NRSN2: variants seen among roughly 807,000 people sequenced by gnomAD.
NRSN2 encodes the protein neurensin 2, also known as neurensin-2.
In NRSN2, 10 loss-of-function variants were observed where a neutral mutation model predicts 11.1. That is an observed-to-expected ratio of 0.90 (90% CI 0.56 to 1.53). NRSN2 has a LOEUF of 1.53. NRSN2 is among the 40% of genes most tolerant of loss of function. NRSN2 has a pLI of 0.00. For synonymous variants in NRSN2, 100 were observed against 117.0 expected, an observed-to-expected ratio of 0.86 and a Z score of 0.94; for missense variants, 260 against 273.7, an observed-to-expected ratio of 0.95 and a Z score of 0.35.
chr20:353,722 T>A lies in NRSN2; in HGVS notation c.*87T>A. ...TCTCAGTGTTTCCCCAACTTCTCCC[T>A]TTTAGCAGGGTCCCTTTAGAGCCCA... On this transcript the variant is annotated 3_prime_UTR_variant, in exon 5 of 5. Coordinates refer to ENST00000382285, the MANE Select transcript of NRSN2 (RefSeq NM_001323682.2). 7.2e-7 allele frequency: 1 copy of A among 1,380,724 alleles called. No individual in the cohort carries two copies. The highest frequency in any genetic ancestry group is 9.9e-7 in the Non-Finnish European group (1 of 1,008,258). The allele number at this position is 1,380,724 out of a possible 1,614,324, so 85.5% of individuals were successfully genotyped here.
At chr20:349,542 G>A (rs966108696) in intron 3 of NRSN2, 96 bp from the exon 4 acceptor site, 74 of 963,724 alleles carry the variant, frequency 7.7e-5, no homozygotes, top group Admixed American at 2.5e-4. Flanking sequence ...GAGGAGAAGC[G>A]GGTGGGGCAC....
intron 4 of NRSN2, among the ~76,000 whole-genome samples, chr20:352,930 A>G (rs1023582645): frequency 1.3e-5 from 2 of 151,326 alleles, no homozygotes; most frequent in Non-Finnish European, 2.9e-5. Context: ...TAGAAAGGAT[A>G]AAGAGATGAG....
In NRSN2 at chr20:353,330, C is replaced by T. The variant is rs527857076; in HGVS notation, c.310C>T (p.Arg104Trp). The change falls in exon 5 of 5, where the codon CGG becomes TGG. Residue 104 changes from arginine to tryptophan, a missense_variant. Transcript: ENST00000382285. ...GGGTGAGTTCCTGGTGTTGGATCAG[C>T]GGGCAGCCGACTACAACCAGGCCCT... ...GEGEFLVLDQ[R>W]AADYNQALGT... The T allele has an allele frequency of 2.0e-5, 32 of 1,614,010 alleles. No homozygotes were observed. The highest frequency in any genetic ancestry group is 3.3e-5 in the Admixed American group (2 of 60,010).
chr20:347,691 A>G lies in NRSN2; in HGVS notation c.-122+179A>G, dbSNP rs1426432630. On this transcript the variant is annotated intron_variant, in intron 2 of 4. Coordinates refer to ENST00000382285, the MANE Select transcript of NRSN2 (RefSeq NM_001323682.2). This position sits in a 1 kb window ranked among gnomAD's most constrained non-coding sequence, Gnocchi z 7.0. The stretch of plus-strand genomic sequence containing the variant: ...TGTGCAGAGGCGACAGATTCCGTCC[A>G]TCTTCGGGCCCTGGCTTCCGTCACT... Among the ~76,000 whole-genome samples the G allele has an allele frequency of 1.3e-5, 2 of 151,832 alleles. No individual in the cohort carries two copies. Among genetic ancestry groups the G allele is most frequent in the African/African-American group, 4.8e-5 (2 of 41,324 alleles).
Position 354,822 on chromosome 20 carries a change from C to G in NRSN2, c.*1187C>G, listed in dbSNP as rs1183755144. The G allele has an allele frequency of 6.6e-6, 1 of 152,284 alleles. No individual in the cohort carries two copies. The highest frequency in any genetic ancestry group is 2.4e-5 in the African/African-American group (1 of 41,448). 9.4% of individuals were successfully genotyped at this position (152,284 alleles called of 1,614,324 possible). ...CACGCCCCCTCCTCATCCTGCACCC[C>G]TTCCATCCCACCTTCCCTTTCAATA... is the stretch of plus-strand genomic sequence containing the variant. On this transcript the variant is annotated 3_prime_UTR_variant, in exon 5 of 5. Coordinates refer to ENST00000382285, the MANE Select transcript of NRSN2 (RefSeq NM_001323682.2).
In NRSN2 at chr20:349,758, A is replaced by T. The variant is rs775596258; in HGVS notation, c.115A>T (p.Thr39Ser). The T allele has an allele frequency of 2.5e-6, 4 of 1,613,554 alleles. No homozygotes were observed. The South Asian group carries it at 4.4e-5, about 18-fold the overall frequency. Reference sequence around the variant, plus strand: ...CCTCTTCTATGAGGACTGTGCAGGCACTGCTCTCAGCGACGACCCTGAGGG... The same window carrying T: ...CCTCTTCTATGAGGACTGTGCAGGCTCTGCTCTCAGCGACGACCCTGAGGG... The part of the protein sequence containing the change: ...LHLFYEDCAG[T>S]ALSDDPEGPP... Residue 39 changes from threonine to serine, a missense_variant, in exon 4 of 5, where the codon ACT becomes TCT. Coordinates refer to ENST00000382285, the MANE Select transcript of NRSN2 (RefSeq NM_001323682.2).
chr20:351,702 A>C (rs1241494076), intron 4 of NRSN2, among the ~76,000 whole-genome samples: 3 of 152,262 alleles, frequency 2.0e-5, no homozygotes, highest in Non-Finnish European at 1.5e-5. Flanking sequence ...CAAATAACTA[A>C]ATAAATGGAG....
At position 349,798 on chromosome 20, in the gene NRSN2, G is replaced by T; in HGVS notation, c.155G>T (p.Cys52Phe). ...SDDPEGPPVL[C>F]PRRPWPSLCW... Reference sequence around the variant, plus strand: ...GACCCTGAGGGACCTCCGGTCCTGTGCCCCCGCCGGCCCTGGCCCTCACTG... The same window carrying T: ...GACCCTGAGGGACCTCCGGTCCTGTTCCCCCGCCGGCCCTGGCCCTCACTG... The change falls in exon 4 of 5, where the codon TGC becomes TTC. Residue 52 changes from cysteine (C) to phenylalanine (F), a missense_variant. Physicochemically the swap from Cys to Phe is radical, Grantham distance 205. Coordinates refer to ENST00000382285, the MANE Select transcript of NRSN2 (RefSeq NM_001323682.2). 1.2e-6 allele frequency: 2 copies of T among 1,613,382 alleles called. No individual in the cohort carries two copies. The highest frequency in any genetic ancestry group is 1.7e-5 in the Admixed American group (1 of 60,010).
At chr20:350,717 C>T (rs1209109789) in intron 4 of NRSN2, among the ~76,000 whole-genome samples, 5 of 147,288 alleles carry the variant, frequency 3.4e-5, no homozygotes, top group Non-Finnish European at 7.5e-5. Flanking sequence ...TTAGAAGAGA[C>T]CCAAGGTCCA....
chr20:353,327 C>G lies in NRSN2; in HGVS notation c.307C>G (p.Gln103Glu). ...IGEGEFLVLDQRAADYNQALG... is the reference protein window; with the variant it reads ...IGEGEFLVLDERAADYNQALG... ...TGAGGGTGAGTTCCTGGTGTTGGAT[C>G]AGCGGGCAGCCGACTACAACCAGGC... The change falls in exon 5 of 5, where the codon CAG becomes GAG. Residue 103 changes from glutamine (Q) to glutamate (E), a missense_variant. Coordinates refer to ENST00000382285, the MANE Select transcript of NRSN2 (RefSeq NM_001323682.2). The G allele has an allele frequency of 6.2e-7, 1 of 1,614,100 alleles. No homozygotes were observed. The highest frequency in any genetic ancestry group is 2.2e-5 in the East Asian group (1 of 44,840).
At chr20:349,567 C>T (rs1217407587) in intron 3 of NRSN2, 71 bp from the exon 4 acceptor site, 2 of 1,292,894 alleles carry the variant, frequency 1.5e-6, no homozygotes, top group South Asian at 1.4e-5. Context: ...ATTTAGGGGG[C>T]TTATGAAGGT....
At position 354,118 on chromosome 20, in the gene NRSN2, T is replaced by C. The variant is rs2014214767; in HGVS notation, c.*483T>C. 6.4e-6 allele frequency: 1 copy of C among 157,272 alleles called. No individual in the cohort carries two copies. The highest frequency in any genetic ancestry group is 1.4e-5 in the Non-Finnish European group (1 of 71,866). The allele number at this position is 157,272 out of a possible 1,614,324, so 9.7% of individuals were successfully genotyped here. Reference sequence around the variant, plus strand: ...ACTTGGCCTTTCCCTGCAGGATGAGTGAAGACGTTTGCCTCTCACAGTGTG... The same window carrying C: ...ACTTGGCCTTTCCCTGCAGGATGAGCGAAGACGTTTGCCTCTCACAGTGTG... On this transcript the variant is annotated 3_prime_UTR_variant, in exon 5 of 5. Transcript: ENST00000382285.
At chr20:350,410 T>G (rs1311950899) in intron 4 of NRSN2, among the ~76,000 whole-genome samples, 2 of 130,118 alleles carry the variant, frequency 1.5e-5, no homozygotes, top group Admixed American at 8.5e-5. Flanking sequence ...AACCAAAAGG[T>G]GGAGGTTGCA....
intron 4 of NRSN2, among the ~76,000 whole-genome samples, chr20:350,542 G>A (rs547042223): frequency 6.8e-6 from 1 of 146,390 alleles, no homozygotes; most frequent in South Asian, 2.2e-4. Context: ...CAGTTACTTA[G>A]GAGGCTGAGG....
rs1268118855 is a variant in NRSN2 at position 354,803 on chromosome 20, CCCT to C, written c.*1173_*1175del. On this transcript the variant is annotated 3_prime_UTR_variant, in exon 5 of 5. Coordinates refer to ENST00000382285, the MANE Select transcript of NRSN2 (RefSeq NM_001323682.2). ...CCCTACTGTCCTTGTGCCTCACGCC[CCCT>C]CCTCATCCTGCACCCCTTCCATCCC... 2.0e-5 allele frequency: 3 copies of C among 152,240 alleles called. No individual in the cohort carries two copies. Among genetic ancestry groups the C allele is most frequent in the African/African-American group, 7.2e-5 (3 of 41,428 alleles). 9.4% of individuals were successfully genotyped at this position (152,240 alleles called of 1,614,324 possible).
chr20:349,751 TGCAG>T lies in NRSN2; in HGVS notation c.112_115del (p.Gly38LeufsTer42). The T allele has an allele frequency of 6.2e-7, 1 of 1,613,600 alleles. No homozygotes were observed. Among genetic ancestry groups the T allele is most frequent in the Non-Finnish European group, 8.5e-7 (1 of 1,180,028 alleles). On this transcript the variant is annotated frameshift_variant, in exon 4 of 5. Coordinates refer to ENST00000382285, the MANE Select transcript of NRSN2 (RefSeq NM_001323682.2). LOFTEE classifies it high-confidence loss of function. ...ACCTGCACCTCTTCTATGAGGACTG[TGCAG>T]GCACTGCTCTCAGCGACGACCCTGA...
chr20:348,441 C>G (rs2013626269), intron 2 of NRSN2: 1 of 142,538 alleles, frequency 7.0e-6, no homozygotes. Flanking sequence ...GCTTTCTTGA[C>G]AGCAATCTTG....
chr20:349,089 G>A (rs2013712420), intron 2 of NRSN2, among the ~76,000 whole-genome samples, 160 bp from the exon 3 acceptor site: 1 of 152,202 alleles, frequency 6.6e-6, no homozygotes, highest in Non-Finnish European at 1.5e-5. Flanking sequence ...CTGAAGGGGA[G>A]CGGAGGGTGA....
chr20:349,634 C>A lies in NRSN2; in HGVS notation c.-6-4C>A. The A allele has an allele frequency of 6.2e-7, 1 of 1,607,412 alleles. No homozygotes were observed. Among genetic ancestry groups the A allele is most frequent in the Non-Finnish European group, 8.5e-7 (1 of 1,177,242 alleles). On this transcript the variant is annotated splice_polypyrimidine_tract_variant and splice_region_variant and intron_variant, in intron 3 of 4. Coordinates refer to ENST00000382285, the MANE Select transcript of NRSN2 (RefSeq NM_001323682.2). The stretch of plus-strand genomic sequence containing the variant: ...CCGTCAGCTGCACCTTACCTGCTCC[C>A]CAGGGGTCCATGATGCCGAGCTGCA...
Sources: allele counts gnomAD v4.1 joint callset (sites outside exome capture counted in the v4.1 genomes callset), GRCh38; gene constraint gnomAD v4.1.1; non-coding constraint Gnocchi (gnomAD v3.1); transcripts MANE v1.5; gene names NCBI Gene and HGNC (gene_info 2026-07-23, HGNC 2026-07-21).